The following SLC1A2 variants were observed in gnomAD, a reference collection of about 807,000 sequenced individuals.
SLC1A2 encodes solute carrier family 1 member 2, also known as excitatory amino acid transporter 2.
In SLC1A2, 15 loss-of-function variants were observed where a neutral mutation model predicts 48.8. That is an observed-to-expected ratio of 0.31 (90% CI 0.21 to 0.47). SLC1A2 has a LOEUF of 0.47. Among genes scored for constraint, SLC1A2 ranks in the 20% least tolerant of loss-of-function variants. The probability of loss-of-function intolerance (pLI) is 0.99; values close to 1 mark genes in which losing one functional copy is unlikely to be tolerated. For synonymous variants in SLC1A2, 279 were observed against 272.6 expected, an observed-to-expected ratio of 1.02 and a Z score of -0.23; for missense variants, 502 against 730.5, an observed-to-expected ratio of 0.69 and a Z score of 3.61.
At chr11:35,325,734 G>A (rs995718893) in intron 1 of SLC1A2, among the ~76,000 whole-genome samples, 6 of 152,028 alleles carry the variant, frequency 3.9e-5, no homozygotes, top group Admixed American at 6.5e-5. Flanking sequence ...AGGCTGAGGC[G>A]GGTAGATTGC....
At position 35,265,642 on chromosome 11, in the gene SLC1A2, T is replaced by C. The variant is rs762720016; in HGVS notation, c.1538A>G (p.Asp513Gly). 3.7e-6 allele frequency: 6 copies of C among 1,612,782 alleles called. No homozygotes were observed. Among genetic ancestry groups the C allele is most frequent in the Non-Finnish European group, 5.1e-6 (6 of 1,178,726 alleles). The change falls in exon 10 of 11, where the codon GAT (aspartate) becomes GGT (glycine). Residue 513 changes from aspartate to glycine, a missense_variant. By Grantham distance (94) the Asp-to-Gly change is moderately conservative (BLOSUM62 -1). Transcript: ENST00000278379. ...TIDSQHRVHE[D>G]IEMTKTQSIY... Reference sequence around the variant, plus strand: ...GGATTGAGTCTTGGTCATTTCAATATCTTCATGCACTCGATGCTGGGAGTC... The same window carrying C: ...GGATTGAGTCTTGGTCATTTCAATACCTTCATGCACTCGATGCTGGGAGTC...
intron 1 of SLC1A2, among the ~76,000 whole-genome samples, chr11:35,400,806 C>A (rs1855114613): frequency 6.6e-6 from 1 of 152,168 alleles, no homozygotes; most frequent in South Asian, 2.1e-4. Flanking sequence ...AAGATTTATT[C>A]TGAGCCAAAT....
chr11:35,306,026 C>T (rs1463757377), intron 5 of SLC1A2, 48 bp downstream of exon 5: 3 of 1,579,210 alleles, frequency 1.9e-6, no homozygotes, highest in Non-Finnish European at 2.6e-6. Context: ...TGCAGGATAG[C>T]CCAGCCATTG....
intron 1 of SLC1A2, among the ~76,000 whole-genome samples, chr11:35,358,884 A>C (rs866174981): frequency 4.6e-5 from 7 of 152,204 alleles, no homozygotes; most frequent in Non-Finnish European, 7.3e-5. Context: ...TGTCACACCC[A>C]CACTCTACGT....
intron 1 of SLC1A2, among the ~76,000 whole-genome samples, chr11:35,385,752 T>C (rs1854567190): frequency 6.6e-6 from 1 of 152,228 alleles, no homozygotes. Flanking sequence ...ATTATTATAA[T>C]AGTATTTTTT....
chr11:35,396,819 C>G (rs1351071119), intron 1 of SLC1A2, among the ~76,000 whole-genome samples: 1 of 152,104 alleles, frequency 6.6e-6, no homozygotes, highest in South Asian at 2.1e-4. Context: ...TGATAAGCAA[C>G]TTCAGCAAAG....
At position 35,418,950 on chromosome 11, in the gene SLC1A2, C is replaced by A; in HGVS notation, c.17G>T (p.Gly6Val). 6.4e-7 allele frequency: 1 copy of A among 1,565,730 alleles called. No individual in the cohort carries two copies. The highest frequency in any genetic ancestry group is 2.4e-5 in the East Asian group (1 of 42,284). Residue 6 changes from glycine (G) to valine (V), a missense_variant and splice_region_variant, in exon 1 of 11, where the codon GGT (glycine) becomes GTT (valine). By Grantham distance (109) the Gly-to-Val change is moderately radical. This residue lies in a region of SLC1A2 where 89 missense variants were observed against 119.7 expected (regional missense o/e 0.74). Coordinates refer to ENST00000278379, the MANE Select transcript of SLC1A2 (RefSeq NM_004171.4). ...CGGGTACAGATAAAAATCCCCTCAC[C>A]CTTCCGTAGATGCCATGGTCTGGGG... is the stretch of plus-strand genomic sequence containing the variant. MASTEGANNMPKQVEV... is the reference protein window; with the variant it reads MASTEVANNMPKQVEV...
chr11:35,261,731 A>C, intron 10 of SLC1A2: 1 of 398,546 alleles, frequency 2.5e-6, no homozygotes, highest in Non-Finnish European at 4.4e-6. Flanking sequence ...TATTCCACAT[A>C]ATGGAGAGAC....
At chr11:35,413,439 G>A (rs1261929239) in intron 1 of SLC1A2, among the ~76,000 whole-genome samples, 1 of 152,064 alleles carries the variant, frequency 6.6e-6, no homozygotes, top group Non-Finnish European at 1.5e-5. Context: ...TATTGTTGTG[G>A]GGATTAAATA....
intron 1 of SLC1A2, among the ~76,000 whole-genome samples, chr11:35,384,525 T>C (rs1854527134): frequency 6.6e-6 from 1 of 152,216 alleles, no homozygotes; most frequent in Admixed American, 6.5e-5. Context: ...GACAAATACA[T>C]GTTAGATTTA....
At chr11:35,329,498 T>C (rs116455791) in intron 1 of SLC1A2, among the ~76,000 whole-genome samples, 2,150 of 152,282 alleles carry the variant, frequency 0.014, 48 homozygotes, top group African/African-American at 0.05. Context: ...TACTTTCCAC[T>C]CAATTTTCCT....
intron 8 of SLC1A2, among the ~76,000 whole-genome samples, chr11:35,284,087 T>TATATATA (rs1850729531): frequency 3.5e-5 from 4 of 115,862 alleles, no homozygotes; most frequent in African/African-American, 1.3e-4. Flanking sequence ...GAAGATTTTA[T>TATATATA]TATATATATA....
intron 7 of SLC1A2, among the ~76,000 whole-genome samples, chr11:35,289,387 A>G (rs1850925401): frequency 6.6e-6 from 1 of 152,208 alleles, no homozygotes; most frequent in South Asian, 2.1e-4. Flanking sequence ...TGGCCTTTTA[A>G]AAAAAGAAAT....
intron 3 of SLC1A2, 76 bp from the exon 4 acceptor site, chr11:35,312,524 G>T (rs989056797): frequency 1.3e-6 from 2 of 1,482,288 alleles, no homozygotes; most frequent in South Asian, 1.2e-5. Flanking sequence ...TTTCTATGAC[G>T]TTAGCTTCAT....
chr11:35,261,539 A>G (rs2134590482), intron 10 of SLC1A2: 1 of 396,940 alleles, frequency 2.5e-6, no homozygotes, highest in Non-Finnish European at 4.4e-6. Context: ...AATTACTTCA[A>G]TGCAGACATT....
At chr11:35,271,194 C>T (rs1016796466) in intron 9 of SLC1A2, among the ~76,000 whole-genome samples, 4 of 152,108 alleles carry the variant, frequency 2.6e-5, no homozygotes, top group South Asian at 2.1e-4. Flanking sequence ...TCAGTTGGAG[C>T]GGGAAAGATT....
At chr11:35,364,556 T>A (rs1021538428) in intron 1 of SLC1A2, among the ~76,000 whole-genome samples, 6 of 152,182 alleles carry the variant, frequency 3.9e-5, no homozygotes, top group African/African-American at 1.4e-4. Context: ...CACTAAACAA[T>A]CCAGCAAAGC....
chr11:35,369,168 A>G (rs1279081120), intron 1 of SLC1A2, among the ~76,000 whole-genome samples: 1 of 152,184 alleles, frequency 6.6e-6, no homozygotes, highest in Admixed American at 6.5e-5. Context: ...AGTGGATAAT[A>G]TGTGGGCAGC....
Position 35,292,490 on chromosome 11 carries a change from G to A in SLC1A2, c.888C>T (p.Ile296=), listed in dbSNP as rs1190379590. 1 of 1,613,672 alleles carries A rather than the reference G, an allele frequency of 6.2e-7. No homozygotes were observed. ...CCTTGATTGCAATGATCTTTCCACA[G>A]ATCAGGCAGGCGATACCCAGGGGAG... ...WYSPLGIACL[I]CGKIIAIKDL... is the part of the protein sequence containing the mutation. Residue 296 remains isoleucine, a synonymous_variant, in exon 7 of 11, where the codon ATC becomes ATT. Transcript: ENST00000278379.
Sources: allele counts gnomAD v4.1 joint callset (sites outside exome capture counted in the v4.1 genomes callset), GRCh38; gene constraint gnomAD v4.1.1; regional missense constraint gnomAD v4.1.1; transcripts MANE v1.5; gene names NCBI Gene and HGNC (gene_info 2026-07-23, HGNC 2026-07-21).